IGDCC4: variants seen among roughly 807,000 people sequenced by gnomAD.
IGDCC4 encodes likely ortholog of mouse neighbor of Punc E11.
In IGDCC4, 72 loss-of-function variants were observed where a neutral mutation model predicts 116.6. That is an observed-to-expected ratio of 0.62 (90% confidence interval 0.51 to 0.75). The LOEUF (loss-of-function observed/expected upper bound fraction) is 0.75. Ranked by LOEUF, IGDCC4 falls within the 30% of genes least tolerant of loss-of-function variation. The pLI is 0.00. For missense variants in IGDCC4, 1,501 were observed against 1,662.4 expected (o/e 0.90, Z 1.69); for synonymous variants, 709 against 719.9 (o/e 0.98, Z 0.24).
rs1595778116 is a variant in IGDCC4, at chr15:65,390,275, G to A, written c.2288C>T (p.Ser763Phe). The A allele has an allele frequency of 6.2e-7, 1 of 1,613,428 alleles. No individual in the cohort carries two copies. The highest frequency in any genetic ancestry group is 8.5e-7 in the Non-Finnish European group (1 of 1,179,456). Residue 763 changes from serine (S) to phenylalanine (F), a missense_variant, in exon 13 of 20, where the codon TCC becomes TTC. Physicochemically the swap from Ser to Phe is radical, Grantham distance 155. Transcript: ENST00000352385. ...PAHVHAESNSSTSIWLRWKKP... is the reference protein window; with the variant it reads ...PAHVHAESNSFTSIWLRWKKP... ...TTTCCACCGAAGCCAGATGGATGTG[G>A]AGCTGTTTGATTCCGCATGGACGTG...
chr15:65,407,445 C>T (rs1315606898), intron 3 of IGDCC4, among the ~76,000 whole-genome samples: 3 of 152,066 alleles, frequency 2.0e-5, no homozygotes, highest in East Asian at 1.9e-4. Context: ...TGGGTTCAAG[C>T]GATTCTCCTG....
In IGDCC4 at chr15:65,410,260, G is replaced by A. The variant is rs111429272; in HGVS notation, c.481C>T (p.Arg161Cys). ...AGCCCTTCAATGTGGCACTCAAAGC[G>A]AGCTGTCCCGTTCTCCTCCACCGTC... ...SQTVEENGTA[R>C]FECHIEGLPA... Residue 161 changes from arginine (R) to cysteine (C), a missense_variant, in exon 3 of 20, where the codon CGC becomes TGC. By Grantham distance (180) the Arg-to-Cys change is radical. Transcript: ENST00000352385. 1.9e-6 allele frequency: 3 copies of A among 1,613,852 alleles called. No homozygotes were observed. The highest frequency in any genetic ancestry group is 2.5e-6 in the Non-Finnish European group (3 of 1,180,026).
Position 65,411,210 on chromosome 15 carries a change from G to A in IGDCC4, c.231C>T (p.Asp77=). The A allele has an allele frequency of 6.2e-7, 1 of 1,614,198 alleles. No homozygotes were observed. ...GTAAGTGGTCGTGCTCCAGCAGGGT[G>A]TCCCCATCCTTGCTCCAGGTCACCC... is the stretch of plus-strand genomic sequence containing the variant. ...PTRVTWSKDG[D]TLLEHDHLHL... is the part of the protein sequence containing the mutation. Residue 77 remains aspartate, a synonymous_variant, in exon 2 of 20, where the codon GAC becomes GAT. Coordinates refer to ENST00000352385, the MANE Select transcript of IGDCC4 (RefSeq NM_020962.3).
intron 13 of IGDCC4, among the ~76,000 whole-genome samples, chr15:65,389,682 C>T (rs1024166278): frequency 1.2e-4 from 18 of 152,250 alleles, no homozygotes; most frequent in African/African-American, 4.3e-4. Context: ...ATGGAATCAT[C>T]TCCGATGCAT....
At chr15:65,409,205 A>G (rs147221091) in intron 3 of IGDCC4, among the ~76,000 whole-genome samples, 2 of 151,998 alleles carry the variant, frequency 1.3e-5, no homozygotes, top group Non-Finnish European at 2.9e-5. Flanking sequence ...TCTACCCCGA[A>G]GTTTCTCCTA....
chr15:65,400,238 C>T (rs1200798373), intron 5 of IGDCC4, among the ~76,000 whole-genome samples: 1 of 152,232 alleles, frequency 6.6e-6, no homozygotes, highest in Non-Finnish European at 1.5e-5. Context: ...ACTGTCAGAC[C>T]TCTCTTCATA....
In IGDCC4 at chr15:65,385,819, G is replaced by C. The variant is rs1271246959; in HGVS notation, c.3180+12C>G. The C allele has an allele frequency of 1.2e-6, 2 of 1,602,198 alleles. No homozygotes were observed. Among genetic ancestry groups the C allele is most frequent in the East Asian group, 4.5e-5 (2 of 44,802 alleles). On this transcript the variant is annotated intron_variant, in intron 18 of 19. Coordinates refer to ENST00000352385, the MANE Select transcript of IGDCC4 (RefSeq NM_020962.3). ...ATTTAGAAAAGAGCCGCAATGTGGG[G>C]CTCTGACTTACCTTTCTTTTGGAGT...
chr15:65,400,247 T>C (rs1217862078), intron 5 of IGDCC4, among the ~76,000 whole-genome samples: 2 of 152,224 alleles, frequency 1.3e-5, no homozygotes, highest in African/African-American at 2.4e-5. Context: ...CCTCTCTTCA[T>C]AGATGTGTGT....
rs569624032 is a variant in IGDCC4, at chr15:65,393,009, G to C, written c.1885+352C>G. ...TCAGCATTTAATCACTCTTCTATTG[G>C]GCCTCTCAACAAAAACAATCATCAT... On this transcript the variant is annotated intron_variant, in intron 10 of 19. Transcript: ENST00000352385. The surrounding 1 kb of genome is among the most constrained non-coding windows in gnomAD (Gnocchi z 4.6). Among the ~76,000 whole-genome samples, 1 of 152,084 alleles carries C rather than the reference G, an allele frequency of 6.6e-6. No homozygotes were observed. Among genetic ancestry groups the C allele is most frequent in the Admixed American group, 6.5e-5 (1 of 15,280 alleles).
In IGDCC4 at chr15:65,393,376, G is replaced by T. The variant is rs754956394; in HGVS notation, c.1870C>A (p.His624Asn). 6.2e-7 allele frequency: 1 copy of T among 1,611,810 alleles called. No homozygotes were observed. The highest frequency in any genetic ancestry group is 1.1e-5 in the South Asian group (1 of 90,560). Residue 624 changes from histidine to asparagine, a missense_variant, in exon 10 of 20, where the codon CAC becomes AAC. By Grantham distance (68) the His-to-Asn change is moderately conservative. This residue lies in a region of IGDCC4 where 898 missense variants were observed against 978.9 expected (regional missense o/e 0.92). Transcript: ENST00000352385. The surrounding 1 kb of genome is among the most constrained non-coding windows in gnomAD (Gnocchi z 4.6). Reference sequence around the variant, plus strand: ...AACCCCGTACCATGGCTCTGGTTGTGCATACTGGGCGTCCTGTGATGCATC... The same window carrying T: ...AACCCCGTACCATGGCTCTGGTTGTTCATACTGGGCGTCCTGTGATGCATC... Reference protein sequence around the residue: ...QWMHHRTPSMHNQSHVPFAPA... With the variant: ...QWMHHRTPSMNNQSHVPFAPA...
chr15:65,410,341 C>T (rs1299335791), intron 2 of IGDCC4, 22 bp from the exon 3 acceptor site: 1 of 1,613,422 alleles, frequency 6.2e-7, no homozygotes, highest in Non-Finnish European at 8.5e-7. Flanking sequence ...GAGACACAGG[C>T]AGGGACGGGA....
In IGDCC4 at chr15:65,383,675, C is replaced by T. The variant is rs968202660; in HGVS notation, c.*334G>A. On this transcript the variant is annotated 3_prime_UTR_variant, in exon 20 of 20. Coordinates refer to ENST00000352385, the MANE Select transcript of IGDCC4 (RefSeq NM_020962.3). ...CTGGGGACTGACCACTGTGGGGCAC[C>T]GTTCTGACCTGGAGGACCAATCAGG... 5 of 224,304 alleles carry T rather than the reference C, an allele frequency of 2.2e-5. No individual in the cohort carries two copies. The highest frequency in any genetic ancestry group is 1.6e-4 in the South Asian group (1 of 6,302). 13.9% of individuals were successfully genotyped at this position (224,304 alleles called of 1,614,324 possible). A position where few individuals can be genotyped will look rare whatever the true frequency, so the allele number is the denominator to read the frequency against.
At chr15:65,391,791 C>T in intron 12 of IGDCC4, 89 bp downstream of exon 12, 1 of 1,195,642 alleles carries the variant, frequency 8.4e-7, no homozygotes. Flanking sequence ...AGTACCTGCT[C>T]ACCAGGCTGG....
In IGDCC4 at chr15:65,420,688, A is replaced by G. The variant is rs117100592; in HGVS notation, c.70+2105T>C. Reference sequence around the variant, plus strand: ...CTCCAGCTAGATTTAGTTTAATCCAATGATCTCAACTAAATCACCTCTGAA... The same window carrying G: ...CTCCAGCTAGATTTAGTTTAATCCAGTGATCTCAACTAAATCACCTCTGAA... On this transcript the variant is annotated intron_variant, in intron 1 of 19. Transcript: ENST00000352385. Among the ~76,000 whole-genome samples the G allele has an allele frequency of 5.2e-3, 798 of 152,070 alleles. 2 individuals carry two copies. Among genetic ancestry groups the G allele is most frequent in the Middle Eastern group, 0.017 (5 of 294 alleles).
At chr15:65,394,979 A>G (rs772803878) in intron 8 of IGDCC4, 115 bp downstream of exon 8, 14 of 1,181,824 alleles carry the variant, frequency 1.2e-5, no homozygotes, top group Non-Finnish European at 1.5e-5. Context: ...TACGGGGCAC[A>G]AAAGATGATA....
At position 65,384,851 on chromosome 15, in the gene IGDCC4, A is replaced by C. The variant is rs2091437366; in HGVS notation, c.3342+103T>G. ...GTCTCCTGGCTAGACTTCTATCCCC[A>C]GGAAAGTTACCACCCAGGGGTCTCC... is the stretch of plus-strand genomic sequence containing the variant. On this transcript the variant is annotated intron_variant, in intron 19 of 19. Coordinates refer to ENST00000352385, the MANE Select transcript of IGDCC4 (RefSeq NM_020962.3). The surrounding 1 kb of genome is among the most constrained non-coding windows in gnomAD (Gnocchi z 4.9). The C allele has an allele frequency of 3.5e-6, 5 of 1,427,826 alleles. No homozygotes were observed. Among genetic ancestry groups the C allele is most frequent in the Non-Finnish European group, 4.7e-6 (5 of 1,066,238 alleles). The allele number at this position is 1,427,826 out of a possible 1,614,324, so 88.4% of individuals were successfully genotyped here.
intron 1 of IGDCC4, among the ~76,000 whole-genome samples, chr15:65,417,219 C>A (rs905195974): frequency 5.3e-5 from 8 of 152,146 alleles, no homozygotes; most frequent in African/African-American, 1.9e-4. Flanking sequence ...CTGCCCCCAA[C>A]CTTGGCCACC....
chr15:65,386,614 A>C lies in IGDCC4; in HGVS notation c.2888T>G (p.Val963Gly). 1 of 1,612,562 alleles carries C rather than the reference A, an allele frequency of 6.2e-7. No individual in the cohort carries two copies. The highest frequency in any genetic ancestry group is 8.5e-7 in the Non-Finnish European group (1 of 1,179,844). ...MHSVTGIIVG[V>G]CLGLLCLLAC... ...CAGGAGGCAGAGGAGGCCCAGGCAG[A>C]CACCCACGATGATGCCCGTGACTGA... Residue 963 changes from valine (V) to glycine (G), a missense_variant, in exon 17 of 20, where the codon GTC (valine) becomes GGC (glycine). By Grantham distance (109) the Val-to-Gly change is moderately radical (BLOSUM62 -3). Around this residue, in one of 3 missense-constraint regions of IGDCC4, gnomAD observed 235 missense variants for 328.0 expected, o/e 0.72. Coordinates refer to ENST00000352385, the MANE Select transcript of IGDCC4 (RefSeq NM_020962.3).
chr15:65,382,542 G>A lies in IGDCC4; in HGVS notation c.*1467C>T, dbSNP rs558912688. 5.2e-5 allele frequency: 8 copies of A among 152,722 alleles called. No individual in the cohort carries two copies. In the East Asian group the frequency reaches 1.5e-3, roughly 29 times the overall value. The allele number at this position is 152,722 out of a possible 1,614,324, so 9.5% of individuals were successfully genotyped here. ...TAACATTCTATGCTCCTATGAGAGG[G>A]CTGAGGTGAAAAACCAAATAAATGA... is the stretch of plus-strand genomic sequence containing the variant. On this transcript the variant is annotated 3_prime_UTR_variant, in exon 20 of 20. Transcript: ENST00000352385.
Sources: allele counts gnomAD v4.1 joint callset (sites outside exome capture counted in the v4.1 genomes callset), GRCh38; gene constraint gnomAD v4.1.1; regional missense constraint gnomAD v4.1.1; non-coding constraint Gnocchi (gnomAD v3.1); transcripts MANE v1.5; gene names NCBI Gene and HGNC (gene_info 2026-07-23, HGNC 2026-07-21).